PCBP3: variants seen among roughly 807,000 people sequenced by gnomAD.
PCBP3 encodes poly(rC) binding protein 3, also known as poly(rC)-binding protein 3.
PCBP3 carries 25 observed loss-of-function variants against 52.7 expected under a neutral mutation model. The ratio of observed to expected loss-of-function variants is 0.47; its 90% CI spans 0.35 to 0.66. The LOEUF (loss-of-function observed/expected upper bound fraction) is 0.66. Among genes scored for constraint, PCBP3 ranks in the 30% least tolerant of loss-of-function variants. PCBP3 has a pLI of 0.01. For missense variants in PCBP3, 391 were observed against 490.3 expected, an observed-to-expected ratio of 0.80 and a Z score of 1.91; for synonymous variants, 162 against 183.0, an observed-to-expected ratio of 0.89 and a Z score of 0.93.
chr21:45,793,351 C>T (rs1376179073), intron 4 of PCBP3, among the ~76,000 whole-genome samples: 1 of 152,092 alleles, frequency 6.6e-6, no homozygotes, highest in Non-Finnish European at 1.5e-5. Flanking sequence ...GAGCTATTCC[C>T]GAGCACAGAC....
At chr21:45,869,498 C>T (rs2094910609) in intron 5 of PCBP3, among the ~76,000 whole-genome samples, 1 of 152,214 alleles carries the variant, frequency 6.6e-6, no homozygotes, top group African/African-American at 2.4e-5. Flanking sequence ...CAGGTGGCTG[C>T]TCCCTGGGAC....
In PCBP3 at chr21:45,837,253, G is replaced by A. The variant is rs1472523789; in HGVS notation, c.-125-12708G>A. On this transcript the variant is annotated intron_variant, in intron 4 of 17. Transcript: ENST00000681687. This position sits in a 1 kb window ranked among gnomAD's most constrained non-coding sequence, Gnocchi z 4.1. Reference sequence around the variant, plus strand: ...CGTTTCACTGTGGTCTGTATCTCCCGTTCCACATGCTCTTGTGCTGTGACT... The same window carrying A: ...CGTTTCACTGTGGTCTGTATCTCCCATTCCACATGCTCTTGTGCTGTGACT... 2.0e-5 allele frequency among the ~76,000 whole-genome samples: 3 copies of A among 152,228 alleles called. No individual in the cohort carries two copies. The highest frequency in any genetic ancestry group is 4.4e-5 in the Non-Finnish European group (3 of 68,030).
chr21:45,816,754 T>A (rs563052829), intron 4 of PCBP3, among the ~76,000 whole-genome samples: 2 of 150,816 alleles, frequency 1.3e-5, no homozygotes, highest in African/African-American at 2.4e-5. Context: ...TTTTTTTTTT[T>A]AATAAATAGA....
chr21:45,909,768 C>T (rs79874805), intron 10 of PCBP3, among the ~76,000 whole-genome samples: 24 of 101,438 alleles, frequency 2.4e-4, no homozygotes, highest in South Asian at 3.6e-4. Flanking sequence ...ACGGACCCCC[C>T]CCACCCACTG....
rs532421730 is a variant in PCBP3, at chr21:45,737,203, G to A, written c.-162+1774G>A. Among the ~76,000 whole-genome samples the A allele has an allele frequency of 1.1e-4, 16 of 152,174 alleles. No homozygotes were observed. Among genetic ancestry groups the A allele is most frequent in the East Asian group, 3.9e-4 (2 of 5,152 alleles). On this transcript the variant is annotated intron_variant, in intron 3 of 17. Transcript: ENST00000681687. The surrounding 1 kb of genome is among the most constrained non-coding windows in gnomAD (Gnocchi z 4.9). ...CGAGGCTGCTCTCAGTCCACGTGGC[G>A]TCGGGGCTGAGAGGAGCCCACAGCA... is the stretch of plus-strand genomic sequence containing the variant.
chr21:45,907,215 T>C (rs2096233216), intron 9 of PCBP3, among the ~76,000 whole-genome samples: 1 of 152,252 alleles, frequency 6.6e-6, no homozygotes. Context: ...GTGCTGGGGC[T>C]GGTGAGGGGC....
At chr21:45,669,816 T>C (rs1364771846) in intron 2 of PCBP3, among the ~76,000 whole-genome samples, 3 of 93,234 alleles carry the variant, frequency 3.2e-5, no homozygotes, top group Admixed American at 1.1e-4. Flanking sequence ...TATATATATA[T>C]ATATATATAT....
intron 2 of PCBP3, among the ~76,000 whole-genome samples, chr21:45,672,058 C>T (rs1318620278): frequency 6.6e-6 from 1 of 152,030 alleles, no homozygotes; most frequent in Non-Finnish European, 1.5e-5. Flanking sequence ...GAGGGCTGTT[C>T]CCTTATGAGT....
chr21:45,918,068 C>A, intron 13 of PCBP3: 1 of 266,908 alleles, frequency 3.7e-6, no homozygotes, highest in Non-Finnish European at 7.3e-6. Context: ...AAATTAACTC[C>A]CCCTTTCAGA....
At position 45,942,033 on chromosome 21, in the gene PCBP3, G is replaced by A. The variant is rs575051006; in HGVS notation, c.*327G>A. 15 of 286,302 alleles carry A rather than the reference G, an allele frequency of 5.2e-5. No homozygotes were observed. The highest frequency in any genetic ancestry group is 2.2e-4 in the African/African-American group (10 of 46,114). The allele number at this position is 286,302 out of a possible 1,614,324, so 17.7% of individuals were successfully genotyped here. On this transcript the variant is annotated 3_prime_UTR_variant, in exon 18 of 18. Coordinates refer to ENST00000681687, the MANE Select transcript of PCBP3 (RefSeq NM_001384156.1). ...AGCTGTCTGTCTTAGGAGCTGGGTC[G>A]GCGTTCCGACAGCACTTCCTGTCCG...
At chr21:45,815,477 A>G (rs1401963056) in intron 4 of PCBP3, among the ~76,000 whole-genome samples, 4 of 87,952 alleles carry the variant, frequency 4.5e-5, no homozygotes, top group African/African-American at 4.6e-5. Context: ...GTGATGAGTG[A>G]TGGGTGAGTG....
At position 45,800,463 on chromosome 21, in the gene PCBP3, T is replaced by A. The variant is rs1027556708; in HGVS notation, c.-126+45011T>A. Among the ~76,000 whole-genome samples, 9 of 152,168 alleles carry A rather than the reference T, an allele frequency of 5.9e-5. No homozygotes were observed. The highest frequency in any genetic ancestry group is 2.6e-4 in the Admixed American group (4 of 15,280). On this transcript the variant is annotated intron_variant, in intron 4 of 17. Transcript: ENST00000681687. The surrounding 1 kb of genome is among the most constrained non-coding windows in gnomAD (Gnocchi z 5.3). ...GCACTGAACTCTGAGCCCAACTGGC[T>A]CCAAACAGGCGTGTTGTGGGCGTGT...
At chr21:45,915,287 C>T (rs2073193235) in intron 12 of PCBP3, 1 of 152,190 alleles carries the variant, frequency 6.6e-6, no homozygotes, top group Non-Finnish European at 1.5e-5. Flanking sequence ...GTCCTTACCT[C>T]GCCGACCTAG....
At chr21:45,650,823 G>A (rs1225982223) in intron 1 of PCBP3, among the ~76,000 whole-genome samples, 1 of 152,124 alleles carries the variant, frequency 6.6e-6, no homozygotes, top group African/African-American at 2.4e-5. Flanking sequence ...GACACTTGCA[G>A]TAGCAATTAA....
Position 45,910,904 on chromosome 21 carries a change from C to T in PCBP3, c.474C>T (p.Ser158=), listed in dbSNP as rs1369251157. ...CTTCCAATGTCCCCTCTCTCCAGTC[C>T]ACAGGTGCCCAGGTGCAGGTGGCTG... ...GGSKIKEIRE[S]TGAQVQVAGD... is the part of the protein sequence containing the mutation. The change falls in exon 11 of 18, where the codon TCC becomes TCT. Residue 158 remains serine, a splice_region_variant and synonymous_variant. Transcript: ENST00000681687. The T allele has an allele frequency of 6.2e-7, 1 of 1,604,874 alleles. No homozygotes were observed. The highest frequency in any genetic ancestry group is 1.1e-5 in the South Asian group (1 of 90,570).
In PCBP3 at chr21:45,644,287, C is replaced by T. The variant is rs530352495; in HGVS notation, c.-279+419C>T. 2.8e-3 allele frequency among the ~76,000 whole-genome samples: 421 copies of T among 151,666 alleles called. 3 individuals carry two copies. The highest frequency in any genetic ancestry group is 9.7e-3 in the African/African-American group (404 of 41,462). On this transcript the variant is annotated intron_variant, in intron 1 of 17. Transcript: ENST00000681687. ...CGGAGCGGCCGCGGCGGCTGGAGGG[C>T]GGCGGGGCGGGGCGCGGGGCCTCCT...
intron 3 of PCBP3, among the ~76,000 whole-genome samples, chr21:45,742,393 C>T (rs557121468): frequency 3.9e-5 from 6 of 152,332 alleles, no homozygotes; most frequent in Middle Eastern, 6.8e-3. Context: ...ACACTGAACA[C>T]ACATGGCTTA....
At chr21:45,731,726 T>C (rs2085468235) in intron 2 of PCBP3, among the ~76,000 whole-genome samples, 1 of 152,228 alleles carries the variant, frequency 6.6e-6, no homozygotes, top group African/African-American at 2.4e-5. Flanking sequence ...TTCCTTAAGC[T>C]ACCATAGTCA....
intron 12 of PCBP3, chr21:45,914,416 G>A (rs1044682032): frequency 1.4e-5 from 6 of 419,546 alleles, no homozygotes; most frequent in African/African-American, 4.1e-5. Flanking sequence ...ACTGACATCC[G>A]TGTTCCCAAA....
Sources: allele counts gnomAD v4.1 joint callset (sites outside exome capture counted in the v4.1 genomes callset), GRCh38; gene constraint gnomAD v4.1.1; non-coding constraint Gnocchi (gnomAD v3.1); transcripts MANE v1.5; gene names NCBI Gene and HGNC (gene_info 2026-07-23, HGNC 2026-07-21).